The following GATA3 variants were observed in gnomAD, a reference collection of about 807,000 sequenced individuals.
GATA3 encodes GATA binding protein 3.
Under a neutral mutation model 36.0 loss-of-function variants are expected in GATA3, and 6 were observed. That is an observed-to-expected ratio of 0.17 (90% CI 0.09 to 0.33). The LOEUF is 0.33. Among genes scored for constraint, GATA3 ranks in the 10% least tolerant of loss-of-function variants. The probability of loss-of-function intolerance (pLI) is 1.00; values close to 1 mark genes in which losing one functional copy is unlikely to be tolerated. For missense variants in GATA3, 514 were observed against 610.1 expected (o/e 0.84, Z 1.66); for synonymous variants, 326 against 273.0 (o/e 1.19, Z -1.92).
In GATA3 at chr10:8,054,743, T is replaced by TA. The variant is rs60098638; in HGVS notation, c.-502dup. 13,776 of 132,070 alleles carry TA rather than the reference T, an allele frequency of 0.1. 2,074 individuals carry two copies. The highest frequency in any genetic ancestry group is 0.34 in the African/African-American group (12,267 of 35,892). 8.2% of individuals were successfully genotyped at this position (132,070 alleles called of 1,614,324 possible). A position where few individuals can be genotyped will look rare whatever the true frequency, so the allele number is the denominator to read the frequency against. ...ACTTTCAGAAAGAATGCATTCCCTGTAAAAAAAAAAAAAAAATACTGAGAG... is the reference window on the plus strand; with the variant it reads ...ACTTTCAGAAAGAATGCATTCCCTGTAAAAAAAAAAAAAAAAATACTGAGAG... On this transcript the variant is annotated 5_prime_UTR_variant, in exon 1 of 6. Coordinates refer to ENST00000379328, the MANE Select transcript of GATA3 (RefSeq NM_001002295.2). The surrounding 1 kb of genome is among the most constrained non-coding windows in gnomAD (Gnocchi z 4.2).
intron 5 of GATA3, among the ~76,000 whole-genome samples, chr10:8,071,493 A>G (rs1488574838): frequency 4.6e-5 from 7 of 152,186 alleles, no homozygotes; most frequent in South Asian, 2.1e-4. Flanking sequence ...CTGATCACAT[A>G]TATATATATT....
At chr10:8,057,670 C>A (rs1006155380) in intron 2 of GATA3, among the ~76,000 whole-genome samples, 3 of 152,158 alleles carry the variant, frequency 2.0e-5, no homozygotes, top group Non-Finnish European at 4.4e-5. Flanking sequence ...TTGCGGGCAG[C>A]CTGGCCGTTT....
At chr10:8,073,248 C>T (rs1832959970) in intron 5 of GATA3, among the ~76,000 whole-genome samples, 1 of 151,488 alleles carries the variant, frequency 6.6e-6, no homozygotes, top group Non-Finnish European at 1.5e-5. Context: ...TTTTATGGCA[C>T]CTCTTAAAGG....
chr10:8,062,097 C>T (rs1209169637), intron 3 of GATA3, among the ~76,000 whole-genome samples: 1 of 152,242 alleles, frequency 6.6e-6, no homozygotes, highest in African/African-American at 2.4e-5. Flanking sequence ...TCACTCTTTC[C>T]TTCCAGCCTC....
intron 3 of GATA3, among the ~76,000 whole-genome samples, chr10:8,062,094 T>G (rs1267220363): frequency 6.6e-6 from 1 of 152,196 alleles, no homozygotes; most frequent in Non-Finnish European, 1.5e-5. Context: ...CCTTCACTCT[T>G]TCCTTCCAGC....
chr10:8,045,480 T>TA (rs1182234355), exon 1 of GATA3: 6 of 152,024 alleles, frequency 3.9e-5, no homozygotes, highest in Non-Finnish European at 7.4e-5. Context: ...GGAAAAAAAA[T>TA]AAAAAACAGC....
chr10:8,073,612 C>A, intron 5 of GATA3, 127 bp from the exon 6 acceptor site: 1 of 1,036,604 alleles, frequency 9.6e-7, no homozygotes, highest in Non-Finnish European at 1.4e-6. Flanking sequence ...AGGAAGGGGC[C>A]AGCTGAAATG....
chr10:8,064,297 C>T (rs1313356211), intron 4 of GATA3, among the ~76,000 whole-genome samples, 159 bp downstream of exon 4: 19 of 91,288 alleles, frequency 2.1e-4, no homozygotes, highest in East Asian at 3.6e-4. Flanking sequence ...TTCTTTCTTT[C>T]TTTTCTTCTT....
chr10:8,067,790 C>G (rs1479543462), intron 4 of GATA3, among the ~76,000 whole-genome samples: 3 of 152,182 alleles, frequency 2.0e-5, no homozygotes, highest in African/African-American at 4.8e-5. Context: ...TGCACTCCAG[C>G]CTGGGCGACA....
chr10:8,052,899 G>A (rs546838707), upstream of GATA3: 1 of 109,150 alleles, frequency 9.2e-6, no homozygotes, highest in Non-Finnish European at 1.8e-5. Flanking sequence ...AAACGTGGCG[G>A]GGGGGGGGGG....
At chr10:8,064,174 C>T in intron 4 of GATA3, 36 bp downstream of exon 4, 1 of 1,613,592 alleles carries the variant, frequency 6.2e-7, no homozygotes, top group Admixed American at 1.7e-5. Flanking sequence ...CCATGCTGAC[C>T]ATTCTGGGTT....
At chr10:8,062,363 T>TTTTA (rs1832763741) in intron 3 of GATA3, among the ~76,000 whole-genome samples, 1 of 31,208 alleles carries the variant, frequency 3.2e-5, no homozygotes, top group African/African-American at 1.0e-4. Flanking sequence ...ACATCCTCAT[T>TTTTA]TTTTTTTTTT....
intron 4 of GATA3, among the ~76,000 whole-genome samples, chr10:8,067,074 A>T (rs1394529359): frequency 6.6e-6 from 1 of 152,136 alleles, no homozygotes; most frequent in East Asian, 1.9e-4. Flanking sequence ...ATAATCACAT[A>T]TAATTTAATT....
chr10:8,065,079 T>A (rs182823429), intron 4 of GATA3, among the ~76,000 whole-genome samples: 242 of 152,184 alleles, frequency 1.6e-3, no homozygotes, highest in African/African-American at 4.9e-3. Flanking sequence ...CAAGTCGAGA[T>A]GGGAGGAGGG....
chr10:8,048,016 C>T (rs1414008034), intron 1 of GATA3, among the ~76,000 whole-genome samples: 3 of 152,132 alleles, frequency 2.0e-5, no homozygotes, highest in Non-Finnish European at 4.4e-5. Context: ...AATGGAGTCC[C>T]CCTCCCCCTC....
rs368662863 is a variant in GATA3, at chr10:8,055,371, C to G, written c.-285C>G. 1.9e-6 allele frequency: 1 copy of G among 527,384 alleles called. No homozygotes were observed. Among genetic ancestry groups the G allele is most frequent in the Admixed American group, 3.4e-5 (1 of 29,602 alleles). 32.7% of individuals were successfully genotyped at this position (527,384 alleles called of 1,614,324 possible). On this transcript the variant is annotated 5_prime_UTR_variant, in exon 2 of 6. Transcript: ENST00000379328. The surrounding 1 kb of genome is among the most constrained non-coding windows in gnomAD (Gnocchi z 5.4). ...GCTCGCAGAATTGCAGAGTCGTCGC[C>G]CCTTTTTACAACCTGGTCCCGTTTT...
chr10:8,065,252 C>CTTTTTTTTT lies in GATA3; in HGVS notation c.924+1129_924+1137dup, dbSNP rs34193161. Among the ~76,000 whole-genome samples the CTTTTTTTTT allele has an allele frequency of 2.5e-4, 23 of 92,072 alleles. 1 individual carries two copies. The highest frequency in any genetic ancestry group is 5.6e-4 in the African/African-American group (12 of 21,286). The allele number at this position is 92,072 out of a possible 152,430, so 60.4% of individuals were successfully genotyped here. A position where few individuals can be genotyped will look rare whatever the true frequency, so the allele number is the denominator to read the frequency against. On this transcript the variant is annotated intron_variant, in intron 4 of 5. Coordinates refer to ENST00000379328, the MANE Select transcript of GATA3 (RefSeq NM_001002295.2). Reference sequence around the variant, plus strand: ...CCTATTTTGAAGAAGGAAAAACTTTCTTTTTTTTTTTTTTTTTTTTTTTGA... The same window carrying CTTTTTTTTT: ...CCTATTTTGAAGAAGGAAAAACTTTCTTTTTTTTTTTTTTTTTTTTTTTTTTTTTTTTGA...
At chr10:8,058,943 C>T in intron 3 of GATA3, 102 bp downstream of exon 3, 1 of 1,074,334 alleles carries the variant, frequency 9.3e-7, no homozygotes, top group Non-Finnish European at 1.4e-6. Flanking sequence ...CCGGGGTGTC[C>T]CAAAGCCTGC....
At chr10:8,061,711 G>A (rs1289384897) in intron 3 of GATA3, among the ~76,000 whole-genome samples, 1 of 152,312 alleles carries the variant, frequency 6.6e-6, no homozygotes, top group South Asian at 2.1e-4. Flanking sequence ...AGAGGTAACC[G>A]TTGCTAGCTT....
Sources: allele counts gnomAD v4.1 joint callset (sites outside exome capture counted in the v4.1 genomes callset), GRCh38; gene constraint gnomAD v4.1.1; non-coding constraint Gnocchi (gnomAD v3.1); transcripts MANE v1.5; gene names NCBI Gene and HGNC (gene_info 2026-07-23, HGNC 2026-07-21).